ZDHHC14: variants seen among roughly 807,000 people sequenced by gnomAD.
ZDHHC14 encodes the protein palmitoyltransferase ZDHHC14.
Under a neutral mutation model 47.7 loss-of-function variants are expected in ZDHHC14, and 16 were observed. The observed-to-expected ratio is 0.34, with a 90% CI of 0.23 to 0.51. The LOEUF (loss-of-function observed/expected upper bound fraction) is 0.51. Ranked by LOEUF, ZDHHC14 falls within the 20% of genes least tolerant of loss-of-function variation. ZDHHC14 has a pLI of 0.97. For missense variants in ZDHHC14, 515 were observed against 662.5 expected, an observed-to-expected ratio of 0.78 and a Z score of 2.44; for synonymous variants, 293 against 278.9, an observed-to-expected ratio of 1.05 and a Z score of -0.50.
intron 5 of ZDHHC14, among the ~76,000 whole-genome samples, chr6:157,637,044 G>A (rs1467163511): frequency 6.6e-6 from 1 of 152,226 alleles, no homozygotes; most frequent in Non-Finnish European, 1.5e-5. Context: ...TTGTGTTCCG[G>A]AAGAGTAAGC....
chr6:157,636,336 AGTGT>A (rs112041409), intron 5 of ZDHHC14, among the ~76,000 whole-genome samples: 92 of 149,254 alleles, frequency 6.2e-4, no homozygotes, highest in Middle Eastern at 3.5e-3. Flanking sequence ...AGGATATATA[AGTGT>A]GTGTGTGTGT....
rs183761529 is a variant in ZDHHC14, at chr6:157,538,837, C to T, written c.246-3748C>T. ...ATGGGAGGTGCGGGTGTTCCAGACA[C>T]GTGGGCTGGACAGGCAGCGCTGGCG... On this transcript the variant is annotated intron_variant, in intron 1 of 8. Coordinates refer to ENST00000359775, the MANE Select transcript of ZDHHC14 (RefSeq NM_024630.3). Among the ~76,000 whole-genome samples the T allele has an allele frequency of 5.9e-5, 9 of 152,240 alleles. No homozygotes were observed. In the East Asian group the frequency reaches 1.5e-3, roughly 26 times the overall value.
At chr6:157,507,868 G>A (rs1780367842) in intron 1 of ZDHHC14, among the ~76,000 whole-genome samples, 1 of 152,106 alleles carries the variant, frequency 6.6e-6, no homozygotes, top group Admixed American at 6.5e-5. Flanking sequence ...TGCTTTTGGT[G>A]GAAAACACCC....
rs1417365086 is a variant in ZDHHC14, at chr6:157,427,879, T to C, written c.245+45613T>C. 6.6e-6 allele frequency among the ~76,000 whole-genome samples: 1 copy of C among 152,164 alleles called. No homozygotes were observed. The highest frequency in any genetic ancestry group is 1.5e-5 in the Non-Finnish European group (1 of 68,040). ...GGCTCTAGTCTTCATCTTTTCTCAG[T>C]AACAGCATAAAGGATGAATCTAATA... On this transcript the variant is annotated intron_variant, in intron 1 of 8. Coordinates refer to ENST00000359775, the MANE Select transcript of ZDHHC14 (RefSeq NM_024630.3). This position sits in a 1 kb window ranked among gnomAD's most constrained non-coding sequence, Gnocchi z 4.4.
At chr6:157,460,624 A>G (rs1779056341) in intron 1 of ZDHHC14, among the ~76,000 whole-genome samples, 1 of 152,180 alleles carries the variant, frequency 6.6e-6, no homozygotes, top group South Asian at 2.1e-4. Context: ...AATTTCCCAT[A>G]TGCCATGCAG....
chr6:157,530,657 T>C (rs1294428353), intron 1 of ZDHHC14, among the ~76,000 whole-genome samples: 1 of 152,350 alleles, frequency 6.6e-6, no homozygotes, highest in East Asian at 1.9e-4. Flanking sequence ...CTGAAATACC[T>C]TTGTAGCCTT....
At chr6:157,426,726 G>A (rs1345743036) in intron 1 of ZDHHC14, among the ~76,000 whole-genome samples, 1 of 152,184 alleles carries the variant, frequency 6.6e-6, no homozygotes, top group African/African-American at 2.4e-5. Context: ...AGAAAGGATG[G>A]GGAGCTGGAA....
intron 6 of ZDHHC14, 56 bp from the exon 7 acceptor site, chr6:157,647,203 C>T (rs1777595791): frequency 8.0e-7 from 1 of 1,245,992 alleles, no homozygotes. Context: ...CAGCTCACCT[C>T]AACTGTGCGT....
chr6:157,413,664 G>A (rs1777915156), intron 1 of ZDHHC14, among the ~76,000 whole-genome samples: 1 of 151,508 alleles, frequency 6.6e-6, no homozygotes, highest in African/African-American at 2.4e-5. Flanking sequence ...ATGTGTGGGA[G>A]CTTTCTACAC....
intron 1 of ZDHHC14, among the ~76,000 whole-genome samples, chr6:157,398,892 G>A (rs1455187974): frequency 6.6e-6 from 1 of 152,196 alleles, no homozygotes; most frequent in African/African-American, 2.4e-5. Flanking sequence ...TAAACATTAA[G>A]TGGGGATTTA....
chr6:157,555,928 G>A (rs989185671), intron 2 of ZDHHC14, among the ~76,000 whole-genome samples: 4 of 152,210 alleles, frequency 2.6e-5, no homozygotes, highest in African/African-American at 4.8e-5. Flanking sequence ...GGGACCGTCC[G>A]CCTAGGAGGG....
chr6:157,647,417 A>C, intron 7 of ZDHHC14, 49 bp downstream of exon 7: 5 of 1,490,518 alleles, frequency 3.4e-6, no homozygotes, highest in Non-Finnish European at 3.7e-6. Flanking sequence ...GGAAAACCGA[A>C]TGCCTCGGCC....
rs138752972 is a variant in ZDHHC14, at chr6:157,603,804, C to T, written c.565+10658C>T. On this transcript the variant is annotated intron_variant, in intron 3 of 8. Transcript: ENST00000359775. ...GCAGCTACCTGTGGTACTTACTGGC[C>T]GCCATGGCCTAGAGCTGAGACATGC... Among the ~76,000 whole-genome samples, 115 of 152,288 alleles carry T rather than the reference C, an allele frequency of 7.6e-4. 3 individuals carry two copies. The East Asian group carries it at 0.017, about 22-fold the overall frequency.
intron 1 of ZDHHC14, among the ~76,000 whole-genome samples, chr6:157,435,731 T>G (rs9364498): frequency 0.24 from 36,321 of 151,994 alleles, 4,631 homozygotes; most frequent in African/African-American, 0.32. Flanking sequence ...GTAGAGACAC[T>G]GTTTTGCCAT....
intron 1 of ZDHHC14, among the ~76,000 whole-genome samples, chr6:157,530,604 C>T (rs1397802595): frequency 6.6e-6 from 1 of 152,212 alleles, no homozygotes; most frequent in African/African-American, 2.4e-5. Flanking sequence ...AGCTGTTAAC[C>T]TTGTTTTATT....
chr6:157,393,565 A>G (rs766291243), intron 1 of ZDHHC14, among the ~76,000 whole-genome samples: 15 of 152,208 alleles, frequency 9.9e-5, no homozygotes, highest in Non-Finnish European at 1.6e-4. Flanking sequence ...CCCTTCTTGT[A>G]CTGATCATAG....
At chr6:157,672,295 T>C (rs1169033759) in intron 8 of ZDHHC14, among the ~76,000 whole-genome samples, 1 of 152,224 alleles carries the variant, frequency 6.6e-6, no homozygotes, top group Non-Finnish European at 1.5e-5. Context: ...ATAACATTGC[T>C]ATGAACATGG....
intron 1 of ZDHHC14, among the ~76,000 whole-genome samples, chr6:157,403,118 A>T (rs1349110047): frequency 6.6e-6 from 1 of 152,206 alleles, no homozygotes; most frequent in African/African-American, 2.4e-5. Context: ...ACCAGAGTTC[A>T]TGGATTTGGC....
intron 2 of ZDHHC14, among the ~76,000 whole-genome samples, chr6:157,577,176 G>T (rs1783339629): frequency 6.6e-6 from 1 of 152,120 alleles, no homozygotes; most frequent in Admixed American, 6.5e-5. Context: ...TATCCATGTT[G>T]CTACAGTGAA....
Sources: allele counts gnomAD v4.1 joint callset (sites outside exome capture counted in the v4.1 genomes callset), GRCh38; gene constraint gnomAD v4.1.1; non-coding constraint Gnocchi (gnomAD v3.1); transcripts MANE v1.5; gene names NCBI Gene and HGNC (gene_info 2026-07-23, HGNC 2026-07-21).